FBXL20: variants seen among roughly 807,000 people sequenced by gnomAD.
FBXL20 encodes the protein F-box and leucine rich repeat protein 20, also known as F-box/LRR-repeat protein 20.
FBXL20 carries 11 observed loss-of-function variants against 64.0 expected under a neutral mutation model. The observed-to-expected ratio is 0.17, with a 90% CI of 0.11 to 0.28. FBXL20 has a LOEUF of 0.28. FBXL20 is among the 10% of genes least tolerant of loss of function. The pLI is 1.00. For missense variants in FBXL20, 303 were observed against 526.2 expected (o/e 0.58, Z 4.15); for synonymous variants, 184 against 189.0 (o/e 0.97, Z 0.22).
chr17:39,336,797 C>T (rs533885929), intron 2 of FBXL20, among the ~76,000 whole-genome samples: 20 of 151,204 alleles, frequency 1.3e-4, no homozygotes, highest in Admixed American at 6.6e-4. Flanking sequence ...GCACTCCAGC[C>T]TGGGCGACAG....
rs184702013 is a variant in FBXL20, at chr17:39,391,545, C to A, written c.42+9816G>T. ...TTCACTAGAATATGTATAATACACA[C>A]AAAAAAAAACACAAATTTATATAAA... is the stretch of plus-strand genomic sequence containing the variant. On this transcript the variant is annotated intron_variant, in intron 1 of 14. Coordinates refer to ENST00000264658, the MANE Select transcript of FBXL20 (RefSeq NM_032875.3). Among the ~76,000 whole-genome samples the A allele has an allele frequency of 3.1e-4, 47 of 150,094 alleles. No individual in the cohort carries two copies. The East Asian group carries it at 6.4e-3, about 20-fold the overall frequency.
intron 2 of FBXL20, among the ~76,000 whole-genome samples, chr17:39,321,335 C>T (rs2047353999): frequency 6.6e-6 from 1 of 150,914 alleles, no homozygotes; most frequent in Non-Finnish European, 1.5e-5. Flanking sequence ...ACTTGTAATC[C>T]CAGCTAGTCG....
intron 6 of FBXL20, among the ~76,000 whole-genome samples, chr17:39,293,468 C>T (rs918619779): frequency 6.6e-6 from 1 of 152,096 alleles, no homozygotes; most frequent in African/African-American, 2.4e-5. Context: ...GGTGATCTGC[C>T]CACCTCAGCC....
rs867515834 is a variant in FBXL20 at position 39,310,539 on chromosome 17, C to A, written c.105-6900G>T. 6.6e-5 allele frequency among the ~76,000 whole-genome samples: 10 copies of A among 152,250 alleles called. No homozygotes were observed. In the South Asian group the frequency reaches 1.7e-3, roughly 25 times the overall value. On this transcript the variant is annotated intron_variant, in intron 2 of 14. Transcript: ENST00000264658. ...GTGTTAGTCGACTTGCAATAAAAATCTTTCCTTTACTCAAAAACTCAGTGT... is the reference window on the plus strand; with the variant it reads ...GTGTTAGTCGACTTGCAATAAAAATATTTCCTTTACTCAAAAACTCAGTGT...
intron 6 of FBXL20, among the ~76,000 whole-genome samples, chr17:39,293,608 T>C (rs2047060113): frequency 6.6e-6 from 1 of 152,244 alleles, no homozygotes; most frequent in African/African-American, 2.4e-5. Context: ...GTAATCTTTC[T>C]GGAGTCTTTA....
At chr17:39,370,209 G>C (rs1004056099) in intron 1 of FBXL20, among the ~76,000 whole-genome samples, 22 of 151,626 alleles carry the variant, frequency 1.5e-4, no homozygotes, top group African/African-American at 5.1e-4. Flanking sequence ...AAAAAAAGAG[G>C]ACCAAGCGCT....
intron 1 of FBXL20, among the ~76,000 whole-genome samples, chr17:39,387,688 C>T (rs535103078): frequency 6.6e-6 from 1 of 151,644 alleles, no homozygotes; most frequent in Admixed American, 6.6e-5. Flanking sequence ...AGCAATCCTT[C>T]TACCTCACCC....
At chr17:39,325,065 GGGCGTGGTGGCA>G (rs1247907862) in intron 2 of FBXL20, among the ~76,000 whole-genome samples, 2 of 152,046 alleles carry the variant, frequency 1.3e-5, no homozygotes, top group African/African-American at 4.8e-5. Context: ...AAAATTAGCC[GGGCGTGGTGGCA>G]GGCACCTGTA....
rs2144316375 is a variant in FBXL20 at position 39,255,605 on chromosome 17, A to T, written c.*5855T>A. On this transcript the variant is annotated 3_prime_UTR_variant, in exon 15 of 15. Coordinates refer to ENST00000264658, the MANE Select transcript of FBXL20 (RefSeq NM_032875.3). ...ACGCCTGTAATCCTAGCATGTTGGG[A>T]GGCTGAGGTGGGCAGATCACCTGAG... The T allele has an allele frequency of 6.6e-6, 1 of 152,022 alleles. No individual in the cohort carries two copies. Among genetic ancestry groups the T allele is most frequent in the East Asian group, 1.9e-4 (1 of 5,140 alleles). 9.4% of individuals were successfully genotyped at this position (152,022 alleles called of 1,614,324 possible). A position where few individuals can be genotyped will look rare whatever the true frequency, so the allele number is the denominator to read the frequency against.
At chr17:39,269,376 G>A (rs1259612339) in intron 11 of FBXL20, among the ~76,000 whole-genome samples, 3 of 151,622 alleles carry the variant, frequency 2.0e-5, no homozygotes, top group Non-Finnish European at 2.9e-5. Context: ...TGCATTTTTA[G>A]TAGAGACGGG....
intron 14 of FBXL20, 85 bp from the exon 15 acceptor site, chr17:39,261,652 G>T: frequency 1.0e-6 from 1 of 987,278 alleles, no homozygotes; most frequent in Non-Finnish European, 1.5e-6. Context: ...CTACCGAGGG[G>T]CTCAATGAAC....
intron 1 of FBXL20, among the ~76,000 whole-genome samples, chr17:39,391,172 T>C (rs1025011529): frequency 6.6e-6 from 1 of 151,714 alleles, no homozygotes; most frequent in African/African-American, 2.4e-5. Context: ...ATCCTAGCAC[T>C]TTGGGTGGCC....
At chr17:39,301,101 T>C (rs777058380) in intron 3 of FBXL20, 26 bp from the exon 4 acceptor site, 3 of 1,602,242 alleles carry the variant, frequency 1.9e-6, no homozygotes, top group Non-Finnish European at 2.6e-6. Context: ...AGAGACAGAA[T>C]GAGCAGAAGC....
In FBXL20 at chr17:39,255,717, C is replaced by G. The variant is rs575960153; in HGVS notation, c.*5743G>C. ...ATTTTGCCGGGCGTGGTGGCACAGG[C>G]TGTAATTCCAGCTACTCGGGAGGCT... is the stretch of plus-strand genomic sequence containing the variant. On this transcript the variant is annotated 3_prime_UTR_variant, in exon 15 of 15. Transcript: ENST00000264658. The G allele has an allele frequency of 6.6e-6, 1 of 151,908 alleles. No individual in the cohort carries two copies. The highest frequency in any genetic ancestry group is 6.6e-5 in the Admixed American group (1 of 15,234). The allele number at this position is 151,908 out of a possible 1,614,324, so 9.4% of individuals were successfully genotyped here.
At chr17:39,296,095 C>T (rs2047082913) in intron 6 of FBXL20, among the ~76,000 whole-genome samples, 1 of 151,828 alleles carries the variant, frequency 6.6e-6, no homozygotes, top group Non-Finnish European at 1.5e-5. Context: ...TTCTAGATAC[C>T]AAGTGGTCAA....
chr17:39,337,731 G>T (rs988522689), intron 2 of FBXL20, among the ~76,000 whole-genome samples: 2 of 152,012 alleles, frequency 1.3e-5, no homozygotes, highest in African/African-American at 2.4e-5. Context: ...TCTGAGAAGG[G>T]AGGAGCGTCT....
At chr17:39,267,395 T>C (rs1336743204) in intron 12 of FBXL20, among the ~76,000 whole-genome samples, 1 of 152,166 alleles carries the variant, frequency 6.6e-6, no homozygotes, top group Non-Finnish European at 1.5e-5. Context: ...CTTTGTTCTA[T>C]CTCCTTAGAA....
chr17:39,280,698 T>C (rs1468260838), intron 9 of FBXL20, among the ~76,000 whole-genome samples: 1 of 152,148 alleles, frequency 6.6e-6, no homozygotes, highest in Non-Finnish European at 1.5e-5. Context: ...AGCTGATAGT[T>C]TGAACAAGAC....
chr17:39,260,364 A>G lies in FBXL20; in HGVS notation c.*1096T>C, dbSNP rs1164032802. On this transcript the variant is annotated 3_prime_UTR_variant, in exon 15 of 15. Transcript: ENST00000264658. The stretch of plus-strand genomic sequence containing the variant: ...CATTTTCACTCTTTCCTAATAATAC[A>G]TCTCTCTCTTTCCTTATGATACAGT... 1 of 152,156 alleles carries G rather than the reference A, an allele frequency of 6.6e-6. No individual in the cohort carries two copies. Among genetic ancestry groups the G allele is most frequent in the Non-Finnish European group, 1.5e-5 (1 of 68,016 alleles). The allele number at this position is 152,156 out of a possible 1,614,324, so 9.4% of individuals were successfully genotyped here. A position where few individuals can be genotyped will look rare whatever the true frequency, so the allele number is the denominator to read the frequency against.
Sources: gnomAD v4.1 joint callset for allele counts (sites outside exome capture counted in the v4.1 genomes callset) on GRCh38, gnomAD v4.1.1 for gene constraint, MANE v1.5 for transcripts, NCBI Gene and HGNC (gene_info 2026-07-23, HGNC 2026-07-21) for gene names.